The following TECPR1 variants were observed in gnomAD, a reference collection of about 807,000 sequenced individuals.
TECPR1 encodes tectonin beta-propeller repeat containing 1.
Under a neutral mutation model 162.4 loss-of-function variants are expected in TECPR1, and 122 were observed. The ratio of observed to expected loss-of-function variants is 0.75; its 90% CI spans 0.65 to 0.87. The LOEUF is 0.87. TECPR1 is among the 40% of genes least tolerant of loss of function. The probability of loss-of-function intolerance (pLI) is 0.00; values close to 1 mark genes in which losing one functional copy is unlikely to be tolerated. For missense variants in TECPR1, 1,432 were observed against 1,618.2 expected (o/e 0.88, Z 1.97); for synonymous variants, 642 against 670.6 (o/e 0.96, Z 0.66).
intron 2 of TECPR1, among the ~76,000 whole-genome samples, chr7:98,247,221 C>T (rs1304667865): frequency 2.6e-5 from 4 of 151,960 alleles, no homozygotes; most frequent in South Asian, 2.1e-4. Flanking sequence ...CAACTCGTTG[C>T]GGCCTCGAAC....
At chr7:98,246,634 T>G (rs1430993494) in intron 2 of TECPR1, among the ~76,000 whole-genome samples, 2 of 150,566 alleles carry the variant, frequency 1.3e-5, no homozygotes, top group African/African-American at 2.4e-5. Context: ...CAGGCTGGAG[T>G]GCAATGGCAC....
intron 8 of TECPR1, among the ~76,000 whole-genome samples, chr7:98,239,724 ACT>A (rs1798697984): frequency 6.6e-6 from 1 of 151,858 alleles, no homozygotes; most frequent in South Asian, 2.1e-4. Context: ...GTGGCCTCAG[ACT>A]CTGAGAGCTT....
chr7:98,223,196 C>G, intron 20 of TECPR1, 26 bp from the exon 21 acceptor site: 2 of 1,561,788 alleles, frequency 1.3e-6, no homozygotes, highest in Non-Finnish European at 1.7e-6. Flanking sequence ...GGGACACAGC[C>G]CAGGGACCCC....
At chr7:98,221,121 G>A (rs1409221439) in intron 23 of TECPR1, among the ~76,000 whole-genome samples, 3 of 151,706 alleles carry the variant, frequency 2.0e-5, no homozygotes, top group African/African-American at 7.3e-5. Flanking sequence ...GGCCAATATG[G>A]TGAAACCCCG....
In TECPR1 at chr7:98,217,454, C is replaced by CG; in HGVS notation, c.3433dup (p.Arg1145ProfsTer76). On this transcript the variant is annotated frameshift_variant, in exon 26 of 26. Coordinates refer to ENST00000447648, the MANE Select transcript of TECPR1 (RefSeq NM_015395.3). LOFTEE classifies it high-confidence loss of function. ...CGGCTCCTGCTCCTGGGACGAGCTC[C>CG]GGGGGGCCCTGGTGGCATTGGCCCG... 1.9e-6 allele frequency: 3 copies of CG among 1,610,316 alleles called. No homozygotes were observed. The highest frequency in any genetic ancestry group is 1.7e-4 in the Middle Eastern group (1 of 6,050).
Position 98,241,273 on chromosome 7 carries a change from T to G in TECPR1, c.658-29A>C. The G allele has an allele frequency of 1.2e-6, 2 of 1,610,024 alleles. No homozygotes were observed. Among genetic ancestry groups the G allele is most frequent in the Non-Finnish European group, 1.7e-6 (2 of 1,178,350 alleles). ...GGAGGCAAGACAGGGACACAGCACC[T>G]GCATCAACTCATTCACACCAGCCAA... On this transcript the variant is annotated intron_variant, in intron 6 of 25. Transcript: ENST00000447648. This position sits in a 1 kb window ranked among gnomAD's most constrained non-coding sequence, Gnocchi z 5.0.
At chr7:98,240,471 G>A (rs1266780411) in intron 8 of TECPR1, among the ~76,000 whole-genome samples, 1 of 152,096 alleles carries the variant, frequency 6.6e-6, no homozygotes, top group Admixed American at 6.6e-5. Flanking sequence ...CCAGGCTGGA[G>A]TGCTATAGTG....
chr7:98,225,665 C>T (rs996820150), intron 17 of TECPR1, among the ~76,000 whole-genome samples: 1 of 151,958 alleles, frequency 6.6e-6, no homozygotes, highest in Non-Finnish European at 1.5e-5. Context: ...TTCTTTCTTT[C>T]TTTTCAGAGA....
At chr7:98,224,506 C>T (rs1317526443) in intron 19 of TECPR1, among the ~76,000 whole-genome samples, 1 of 152,226 alleles carries the variant, frequency 6.6e-6, no homozygotes, top group Non-Finnish European at 1.5e-5. Context: ...CCTCCCAGAG[C>T]CCGTGCCTGG....
At chr7:98,223,868 G>A (rs528893008) in intron 19 of TECPR1, 150 bp from the exon 20 acceptor site, 22 of 805,268 alleles carry the variant, frequency 2.7e-5, no homozygotes, top group South Asian at 1.2e-4. Flanking sequence ...GTGTCACCAC[G>A]CGCGGCTCTC....
rs138830707 is a variant in TECPR1, at chr7:98,227,121, T to C, written c.2513+893A>G. Among the ~76,000 whole-genome samples, 291 of 152,020 alleles carry C rather than the reference T, an allele frequency of 1.9e-3. 2 individuals carry two copies. Among genetic ancestry groups the C allele is most frequent in the African/African-American group, 6.7e-3 (277 of 41,452 alleles). Reference sequence around the variant, plus strand: ...AGTATAGAAAACTACAGGTCAGGTGTGGTGGCTCGCACCTGTAATCCCAGC... The same window carrying C: ...AGTATAGAAAACTACAGGTCAGGTGCGGTGGCTCGCACCTGTAATCCCAGC... On this transcript the variant is annotated intron_variant, in intron 17 of 25. Coordinates refer to ENST00000447648, the MANE Select transcript of TECPR1 (RefSeq NM_015395.3).
chr7:98,244,527 T>C, intron 5 of TECPR1, 44 bp downstream of exon 5: 1 of 1,573,694 alleles, frequency 6.4e-7, no homozygotes, highest in Non-Finnish European at 8.6e-7. Context: ...TGACACTCTG[T>C]CCTGGCCCTA....
Position 98,225,045 on chromosome 7 carries a change from C to T in TECPR1, c.2571G>A (p.Thr857=), listed in dbSNP as rs201000151. ...WSDASGLQEC[T]KAGTKPPSLQ... ...GGGACGGGGGCTTCGTGCCAGCCTT[C>T]GTGCACTCCTGCAGCCCCGAGGCAT... The change falls in exon 18 of 26, where the codon ACG becomes ACA. Residue 857 remains threonine, a synonymous_variant. Coordinates refer to ENST00000447648, the MANE Select transcript of TECPR1 (RefSeq NM_015395.3). The T allele has an allele frequency of 3.9e-4, 606 of 1,561,618 alleles. 13 individuals are homozygous for T. The East Asian group carries it at 0.014, about 36-fold the overall frequency.
intron 13 of TECPR1, 197 bp from the exon 14 acceptor site, chr7:98,231,570 T>C (rs1584336896): frequency 1.0e-5 from 3 of 296,260 alleles, no homozygotes; most frequent in East Asian, 1.0e-4. Flanking sequence ...CCCCCTCCCC[T>C]GGGCACCCCC....
chr7:98,220,544 G>A (rs886206673), intron 23 of TECPR1, among the ~76,000 whole-genome samples: 13 of 146,850 alleles, frequency 8.9e-5, no homozygotes, highest in African/African-American at 2.3e-4. Context: ...GGGATTATAG[G>A]TGCGCACTAC....
Position 98,241,033 on chromosome 7 carries a change from G to A in TECPR1, c.832+37C>T, listed in dbSNP as rs1433937016. On this transcript the variant is annotated intron_variant, in intron 7 of 25. Coordinates refer to ENST00000447648, the MANE Select transcript of TECPR1 (RefSeq NM_015395.3). The surrounding 1 kb of genome is among the most constrained non-coding windows in gnomAD (Gnocchi z 5.0). ...CGAGTGACCCTCACCCTTCTCCCCA[G>A]TACAGGGTATGTGGGTGGGGGAGCC... 1.9e-6 allele frequency: 3 copies of A among 1,591,626 alleles called. No individual in the cohort carries two copies. The highest frequency in any genetic ancestry group is 2.3e-5 in the South Asian group (2 of 87,998).
chr7:98,231,594 C>G (rs1276791436), intron 13 of TECPR1: 8 of 642,012 alleles, frequency 1.2e-5, no homozygotes, highest in East Asian at 6.5e-5. Context: ...TCTGTACTCC[C>G]TCTCCTGGGG....
At position 98,217,760 on chromosome 7, in the gene TECPR1, TC is replaced by T; in HGVS notation, c.3315del (p.Thr1106GlnfsTer118). ...TGCACGCCGGTGCGATGACACACTG[TC>T]CCCCGGCTCAGGCTGTGGCTGCCCT... is the stretch of plus-strand genomic sequence containing the variant. ...KVQGSHSLSR[G>X]TVCHRTGVQP... On this transcript the variant is annotated frameshift_variant, in exon 25 of 26. Coordinates refer to ENST00000447648, the MANE Select transcript of TECPR1 (RefSeq NM_015395.3). LOFTEE classifies it high-confidence loss of function. 1.9e-6 allele frequency: 3 copies of T among 1,550,814 alleles called. No individual in the cohort carries two copies. The highest frequency in any genetic ancestry group is 2.6e-6 in the Non-Finnish European group (3 of 1,147,054).
Position 98,236,794 on chromosome 7 carries a change from C to A in TECPR1, c.1163G>T (p.Ser388Ile). Reference sequence around the variant, plus strand: ...CAGTCACCTGAGGAGACTAGACGAGCTGCCAGAGTGTGACCGGTCACACTC... The same window carrying A: ...CAGTCACCTGAGGAGACTAGACGAGATGCCAGAGTGTGACCGGTCACACTC... ...ARECDRSHSGSSSSLLSAGCF... is the reference protein window; with the variant it reads ...ARECDRSHSGISSSLLSAGCF... Residue 388 changes from serine to isoleucine, a missense_variant, in exon 10 of 26, where the codon AGC becomes ATC. Physicochemically the swap from Ser to Ile is moderately radical, Grantham distance 142. Coordinates refer to ENST00000447648, the MANE Select transcript of TECPR1 (RefSeq NM_015395.3). The A allele has an allele frequency of 6.3e-7, 1 of 1,593,672 alleles. No homozygotes were observed. Among genetic ancestry groups the A allele is most frequent in the Admixed American group, 1.8e-5 (1 of 57,074 alleles).
Sources: gnomAD v4.1 joint callset for allele counts (sites outside exome capture counted in the v4.1 genomes callset) on GRCh38, gnomAD v4.1.1 for gene constraint, Gnocchi (gnomAD v3.1) non-coding constraint, MANE v1.5 for transcripts, NCBI Gene and HGNC (gene_info 2026-07-23, HGNC 2026-07-21) for gene names.